Variants in ANKMY1 observed in about 807,000 individuals in gnomAD.
ANKMY1 encodes ankyrin repeat and MYND domain-containing protein 1.
A neutral mutation model predicts 102.0 loss-of-function variants in ANKMY1; 98 were observed. The ratio of observed to expected loss-of-function variants is 0.96; its 90% CI spans 0.82 to 1.14. The LOEUF is 1.14. ANKMY1 is among the 50% of genes most tolerant of loss of function. The pLI is 0.00. For synonymous variants in ANKMY1, 582 were observed against 559.9 expected (o/e 1.04, Z -0.56); for missense variants, 1,330 against 1,347.6 (o/e 0.99, Z 0.20).
chr2:240,489,223 G>A (rs2076373559), intron 15 of ANKMY1, among the ~76,000 whole-genome samples: 1 of 152,182 alleles, frequency 6.6e-6, no homozygotes, highest in Non-Finnish European at 1.5e-5. Context: ...GGAGGCCACG[G>A]CAGGCAGATC....
In ANKMY1 at chr2:240,526,369, G is replaced by A; in HGVS notation, c.1030C>T (p.Pro344Ser). Residue 344 changes from proline to serine, a missense_variant, in exon 6 of 18, where the codon CCC (proline) becomes TCC (serine). Coordinates refer to ENST00000401804, the MANE Select transcript of ANKMY1 (RefSeq NM_001282771.3). ...ATCTCCATGGAAAGTTGCTCTTTGG[G>A]CCCACAGGGTGCAAAGCCACTGCGC... ...GKRSGFAPCGPKEQLSMEMIL... is the reference protein window; with the variant it reads ...GKRSGFAPCGSKEQLSMEMIL... 6.2e-7 allele frequency: 1 copy of A among 1,614,202 alleles called. No homozygotes were observed. Among genetic ancestry groups the A allele is most frequent in the Non-Finnish European group, 8.5e-7 (1 of 1,180,042 alleles).
the ANKMY1 span, among the ~76,000 whole-genome samples, chr2:240,474,240 C>T: frequency 0.013 from 1,866 of 149,242 alleles, 54 homozygotes; most frequent in African/African-American, 0.044. Context: ...GGACTACAGG[C>T]GCCCACCACC....
rs190971449 is a variant in ANKMY1, at chr2:240,525,674, G to A, written c.1335+11C>T. ...GACAGTTGGTGGTGCAGTGGCCACC[G>A]GGGGGCTTACCTGGGGCTCAGGTAT... On this transcript the variant is annotated intron_variant, in intron 7 of 17. Coordinates refer to ENST00000401804, the MANE Select transcript of ANKMY1 (RefSeq NM_001282771.3). The A allele has an allele frequency of 5.3e-4, 847 of 1,612,522 alleles. 6 individuals carry two copies. Among genetic ancestry groups the A allele is most frequent in the Middle Eastern group, 4.0e-3 (24 of 6,052 alleles).
At chr2:240,502,137 T>G (rs926014584) in intron 13 of ANKMY1, among the ~76,000 whole-genome samples, 1 of 151,980 alleles carries the variant, frequency 6.6e-6, no homozygotes, top group Non-Finnish European at 1.5e-5. Flanking sequence ...GACCTTTCCC[T>G]GCCCAATGTT....
chr2:240,485,518 A>G (rs181853680), intron 15 of ANKMY1, among the ~76,000 whole-genome samples: 13 of 152,324 alleles, frequency 8.5e-5, no homozygotes, highest in African/African-American at 3.1e-4. Context: ...AACTTATCCA[A>G]TAATTTTAAA....
intron 6 of ANKMY1, 133 bp downstream of exon 6, chr2:240,526,096 G>C: frequency 8.7e-7 from 1 of 1,153,332 alleles, no homozygotes; most frequent in Non-Finnish European, 1.3e-6. Context: ...ACGGCGAGGT[G>C]GAGGTGTGGA....
rs778898662 is a variant in ANKMY1, at chr2:240,507,593, C to A, written c.2493G>T (p.Glu831Asp). 1.2e-6 allele frequency: 2 copies of A among 1,611,000 alleles called. No individual in the cohort carries two copies. Among genetic ancestry groups the A allele is most frequent in the Non-Finnish European group, 1.7e-6 (2 of 1,178,604 alleles). ...GCTTGCTGTCCATGTTCCTCTGGTGCTCGTAGGTCAGGTCACAGGCAACAC... is the reference window on the plus strand; with the variant it reads ...GCTTGCTGTCCATGTTCCTCTGGTGATCGTAGGTCAGGTCACAGGCAACAC... Reference protein sequence around the residue: ...ALCVACDLTYEHQRNMDSKLA... With the variant: ...ALCVACDLTYDHQRNMDSKLA... The change falls in exon 13 of 18, where the codon GAG becomes GAT. Residue 831 changes from glutamate to aspartate, a missense_variant. Coordinates refer to ENST00000401804, the MANE Select transcript of ANKMY1 (RefSeq NM_001282771.3).
intron 4 of ANKMY1, among the ~76,000 whole-genome samples, chr2:240,536,330 T>G (rs2086729939): frequency 6.6e-6 from 1 of 151,966 alleles, no homozygotes; most frequent in African/African-American, 2.4e-5. Flanking sequence ...GAAAATAGAA[T>G]CAAATGGCAT....
At chr2:240,553,212 G>A (rs1037612643) in intron 3 of ANKMY1, 155 bp from the exon 4 acceptor site, 51 of 856,642 alleles carry the variant, frequency 6.0e-5, no homozygotes, top group African/African-American at 5.8e-4. Context: ...TATTAGAGTC[G>A]GCAACTGAAG....
intron 15 of ANKMY1, among the ~76,000 whole-genome samples, chr2:240,496,374 AGATAGATAGAT>A: frequency 6.6e-6 from 1 of 151,538 alleles, no homozygotes; most frequent in African/African-American, 2.4e-5. Flanking sequence ...ATAGATAGAT[AGATAGATAGAT>A]AGATAGATAG....
chr2:240,551,365 G>A (rs572806249), intron 4 of ANKMY1, among the ~76,000 whole-genome samples: 8 of 152,250 alleles, frequency 5.3e-5, no homozygotes, highest in Admixed American at 2.6e-4. Flanking sequence ...ATGGCAACGT[G>A]TTTGTTTGCA....
rs1315752404 is a variant in ANKMY1, at chr2:240,511,904, C to G, written c.2243G>C (p.Arg748Thr). ...CTCGCAGGCCATGTGCAGAGCCGTC[C>G]TGCCCCCCTCCTCCGGGAGGGCTGT... ...TDTALPEEGG[R>T]TALHMACERE... Residue 748 changes from arginine to threonine, a missense_variant, in exon 11 of 18, where the codon AGG (arginine) becomes ACG (threonine). Transcript: ENST00000401804. 1.3e-6 allele frequency: 2 copies of G among 1,587,116 alleles called. No homozygotes were observed. Among genetic ancestry groups the G allele is most frequent in the Admixed American group, 3.5e-5 (2 of 56,972 alleles).
At chr2:240,521,371 T>C (rs1477247392) in intron 8 of ANKMY1, among the ~76,000 whole-genome samples, 1 of 152,174 alleles carries the variant, frequency 6.6e-6, no homozygotes, top group Non-Finnish European at 1.5e-5. Flanking sequence ...GCTCTCCTTG[T>C]CTGCCGCTAC....
At chr2:240,507,431 C>G in intron 13 of ANKMY1, 129 bp downstream of exon 13, 1 of 1,017,380 alleles carries the variant, frequency 9.8e-7, no homozygotes, top group Non-Finnish European at 1.3e-6. Flanking sequence ...GCCCTTATAC[C>G]CCTCACCCAG....
chr2:240,495,867 C>T (rs768391997), intron 15 of ANKMY1, among the ~76,000 whole-genome samples: 2 of 152,188 alleles, frequency 1.3e-5, no homozygotes, highest in African/African-American at 2.4e-5. Flanking sequence ...TGATGCCCAG[C>T]CGAACCCAGC....
At chr2:240,521,293 A>T (rs983565837) in intron 8 of ANKMY1, among the ~76,000 whole-genome samples, 1 of 152,084 alleles carries the variant, frequency 6.6e-6, no homozygotes, top group Non-Finnish European at 1.5e-5. Context: ...CCTCCAGCCC[A>T]GTCTCCAGAC....
chr2:240,485,456 G>C (rs920997876), intron 15 of ANKMY1, among the ~76,000 whole-genome samples: 1 of 152,182 alleles, frequency 6.6e-6, no homozygotes. Flanking sequence ...AAGACAGTAT[G>C]GTGATTCCTC....
At chr2:240,539,084 A>T (rs2087821658) in intron 4 of ANKMY1, among the ~76,000 whole-genome samples, 1 of 152,238 alleles carries the variant, frequency 6.6e-6, no homozygotes, top group South Asian at 2.1e-4. Flanking sequence ...GAATAAACGC[A>T]GGCTGCCTGA....
chr2:240,525,897 G>A (rs2083278897), intron 6 of ANKMY1, 48 bp from the exon 7 acceptor site: 7 of 1,593,602 alleles, frequency 4.4e-6, no homozygotes, highest in Non-Finnish European at 6.0e-6. Flanking sequence ...TGGCCCTCAG[G>A]GGTGGGAAGG....
Sources: gnomAD v4.1 joint callset for allele counts (sites outside exome capture counted in the v4.1 genomes callset) on GRCh38, gnomAD v4.1.1 for gene constraint, MANE v1.5 for transcripts, NCBI Gene and HGNC (gene_info 2026-07-23, HGNC 2026-07-21) for gene names.